The following GRIP1 variants were observed in gnomAD, a reference collection of about 807,000 sequenced individuals.
GRIP1 encodes the protein glutamate receptor interacting protein 1, also known as glutamate receptor-interacting protein 1.
GRIP1 carries 45 observed loss-of-function variants against 129.9 expected under a neutral mutation model. The observed-to-expected ratio is 0.35, with a 90% CI of 0.27 to 0.44. The LOEUF (loss-of-function observed/expected upper bound fraction) is 0.44. GRIP1 is among the 20% of genes least tolerant of loss of function. The pLI is 1.00. For synonymous variants in GRIP1, 530 were observed against 520.8 expected (o/e 1.02, Z -0.24); for missense variants, 1,196 against 1,396.8 (o/e 0.86, Z 2.29).
At chr12:66,480,716 A>G (rs1482230940) in intron 7 of GRIP1, among the ~76,000 whole-genome samples, 1 of 152,232 alleles carries the variant, frequency 6.6e-6, no homozygotes, top group Non-Finnish European at 1.5e-5. Flanking sequence ...AAACAGAGAT[A>G]TAGACCAATG....
At chr12:66,623,896 AT>A (rs2065377423) in intron 1 of GRIP1, among the ~76,000 whole-genome samples, 1 of 152,136 alleles carries the variant, frequency 6.6e-6, no homozygotes, top group Non-Finnish European at 1.5e-5. Context: ...GAATATATGA[AT>A]TTTTTCTTTT....
chr12:66,797,168 A>C (rs965040176), intron 1 of GRIP1, among the ~76,000 whole-genome samples: 1 of 152,198 alleles, frequency 6.6e-6, no homozygotes. Flanking sequence ...GCATGTTTCC[A>C]TCTGGCATCA....
chr12:66,634,543 G>C (rs761493910), intron 1 of GRIP1, among the ~76,000 whole-genome samples: 7 of 152,180 alleles, frequency 4.6e-5, no homozygotes, highest in Non-Finnish European at 1.0e-4. Context: ...GAGACACAGA[G>C]TTAAGAATCA....
intron 1 of GRIP1, among the ~76,000 whole-genome samples, chr12:66,732,706 A>T (rs910662630): frequency 6.6e-6 from 1 of 152,186 alleles, no homozygotes; most frequent in African/African-American, 2.4e-5. Context: ...TACATATAAA[A>T]TATGTATCAA....
At chr12:66,766,997 G>A (rs1319728248) in intron 1 of GRIP1, among the ~76,000 whole-genome samples, 1 of 151,956 alleles carries the variant, frequency 6.6e-6, no homozygotes, top group East Asian at 1.9e-4. Context: ...AAATACATTA[G>A]GTTTGTCTTT....
intron 2 of GRIP1, among the ~76,000 whole-genome samples, chr12:66,592,237 C>T (rs57694406): frequency 0.25 from 37,332 of 152,012 alleles, 4,721 homozygotes; most frequent in Admixed American, 0.28. Flanking sequence ...GATTGTTCAA[C>T]AGATGTTGAA....
At chr12:66,453,579 C>T (rs1244674234) in intron 11 of GRIP1, among the ~76,000 whole-genome samples, 1 of 152,182 alleles carries the variant, frequency 6.6e-6, no homozygotes, top group Non-Finnish European at 1.5e-5. Flanking sequence ...ACAGTTAACA[C>T]AAACTATTCA....
chr12:66,409,929 T>G (rs1592792049), intron 15 of GRIP1, among the ~76,000 whole-genome samples: 1 of 152,188 alleles, frequency 6.6e-6, no homozygotes, highest in East Asian at 1.9e-4. Context: ...CATCAGAGTC[T>G]CTTAACAACA....
At chr12:66,522,930 T>G (rs1012810943) in intron 5 of GRIP1, among the ~76,000 whole-genome samples, 1 of 151,802 alleles carries the variant, frequency 6.6e-6, no homozygotes, top group East Asian at 1.9e-4. Flanking sequence ...AGAGTATCAG[T>G]GATGGAAGAT....
chr12:67,034,830 C>T (rs573635737), intron 1 of GRIP1, among the ~76,000 whole-genome samples: 16 of 152,306 alleles, frequency 1.1e-4, no homozygotes, highest in Non-Finnish European at 2.2e-4. Context: ...ATTGTTTATG[C>T]GGTCTGTCAC....
intron 1 of GRIP1, among the ~76,000 whole-genome samples, chr12:66,988,632 C>G (rs1473552784): frequency 6.6e-6 from 1 of 152,146 alleles, no homozygotes; most frequent in African/African-American, 2.4e-5. Flanking sequence ...CCGTCTCGGC[C>G]TCCCAAAGTG....
At chr12:66,460,995 G>A (rs2059119507) in intron 9 of GRIP1, among the ~76,000 whole-genome samples, 1 of 152,134 alleles carries the variant, frequency 6.6e-6, no homozygotes, top group African/African-American at 2.4e-5. Context: ...TTCAGTAAAC[G>A]TAGACGATGG....
chr12:66,973,708 C>T (rs2042109052), intron 1 of GRIP1, among the ~76,000 whole-genome samples: 1 of 151,668 alleles, frequency 6.6e-6, no homozygotes, highest in Non-Finnish European at 1.5e-5. Context: ...ATAACATGAC[C>T]CTAAAGTAAT....
At chr12:66,993,011 G>A (rs1310788904) in intron 1 of GRIP1, among the ~76,000 whole-genome samples, 1 of 152,116 alleles carries the variant, frequency 6.6e-6, no homozygotes, top group Non-Finnish European at 1.5e-5. Context: ...CTACTCAGGA[G>A]GCTGAGATGG....
chr12:66,852,489 A>G (rs917629807), intron 1 of GRIP1, among the ~76,000 whole-genome samples: 8 of 151,514 alleles, frequency 5.3e-5, no homozygotes, highest in Non-Finnish European at 1.2e-4. Context: ...ACACTAACAA[A>G]GTGTGTATAT....
At chr12:66,572,544 A>G (rs529568293) in intron 2 of GRIP1, among the ~76,000 whole-genome samples, 1 of 152,336 alleles carries the variant, frequency 6.6e-6, no homozygotes, top group Non-Finnish European at 1.5e-5. Context: ...ACAAAAGTGA[A>G]AAAAGACAGC....
intron 1 of GRIP1, among the ~76,000 whole-genome samples, chr12:66,780,038 G>A (rs896563393): frequency 1.3e-5 from 2 of 152,134 alleles, no homozygotes; most frequent in Non-Finnish European, 2.9e-5. Context: ...ATTTCATTTG[G>A]GGTGTACTTG....
chr12:66,476,989 A>G (rs964124031), intron 7 of GRIP1, among the ~76,000 whole-genome samples: 27 of 152,200 alleles, frequency 1.8e-4, no homozygotes, highest in African/African-American at 4.8e-4. Flanking sequence ...GCCCTCTCTC[A>G]CCACTCCTAT....
intron 5 of GRIP1, among the ~76,000 whole-genome samples, chr12:66,525,712 AT>A (rs1290437091): frequency 3.9e-5 from 6 of 152,160 alleles, no homozygotes; most frequent in South Asian, 2.1e-4. Flanking sequence ...AATAAAGGGT[AT>A]TCAATTAGGA....
Sources: allele counts gnomAD v4.1 joint callset (sites outside exome capture counted in the v4.1 genomes callset), GRCh38; gene constraint gnomAD v4.1.1; transcripts MANE v1.5; gene names NCBI Gene and HGNC (gene_info 2026-07-23, HGNC 2026-07-21).